The following PLEKHA8 variants were observed in gnomAD, a reference collection of about 807,000 sequenced individuals.
PLEKHA8 encodes the protein pleckstrin homology domain-containing family A member 8.
PLEKHA8 carries 36 observed loss-of-function variants against 68.2 expected under a neutral mutation model. That is an observed-to-expected ratio of 0.53 (90% CI 0.40 to 0.70). The LOEUF (loss-of-function observed/expected upper bound fraction) is 0.70. Among genes scored for constraint, PLEKHA8 ranks in the 30% least tolerant of loss-of-function variants. PLEKHA8 has a pLI of 0.00. For missense variants in PLEKHA8, 505 were observed against 615.4 expected (o/e 0.82, Z 1.90); for synonymous variants, 211 against 216.1 (o/e 0.98, Z 0.20).
Position 30,054,742 on chromosome 7 carries a change from A to G in PLEKHA8, c.830A>G (p.Glu277Gly). Residue 277 changes from glutamate to glycine, a missense_variant, in exon 8 of 14, where the codon GAA (glutamate) becomes GGA (glycine). Physicochemically the swap from Glu to Gly is moderately conservative, Grantham distance 98 (BLOSUM62 -2). Transcript: ENST00000449726. ...QGEIRKEDGM[E>G]NLKNHDNNLT... ...GAAATAAGGAAGGAAGATGGAATGGAAAACCTGAAAAATCATGACAATAAC... is the reference window on the plus strand; with the variant it reads ...GAAATAAGGAAGGAAGATGGAATGGGAAACCTGAAAAATCATGACAATAAC... The G allele has an allele frequency of 6.2e-7, 1 of 1,601,792 alleles. No individual in the cohort carries two copies. The highest frequency in any genetic ancestry group is 8.5e-7 in the Non-Finnish European group (1 of 1,172,696).
chr7:30,095,924 G>C (rs1795599708), intron 13 of PLEKHA8, among the ~76,000 whole-genome samples: 1 of 152,166 alleles, frequency 6.6e-6, no homozygotes, highest in African/African-American at 2.4e-5. Context: ...TTTGGTTACT[G>C]TAGCCTTGTA....
intron 13 of PLEKHA8, among the ~76,000 whole-genome samples, chr7:30,117,646 GTGAGCCA>G (rs1306572008): frequency 6.6e-6 from 1 of 152,110 alleles, no homozygotes; most frequent in Non-Finnish European, 1.5e-5. Context: ...CAAGGCTGCA[GTGAGCCA>G]TGATCATGCC....
chr7:30,075,036 G>C (rs1794527117), intron 13 of PLEKHA8: 1 of 152,156 alleles, frequency 6.6e-6, no homozygotes. Context: ...TGTATGTCAG[G>C]AAACCTCATA....
At chr7:30,042,481 C>T (rs1426561232) in intron 1 of PLEKHA8, among the ~76,000 whole-genome samples, 2 of 152,156 alleles carry the variant, frequency 1.3e-5, no homozygotes, top group African/African-American at 2.4e-5. Context: ...TTCACACCAA[C>T]CAGCATCATG....
chr7:30,055,738 TC>T (rs1160265898), intron 9 of PLEKHA8, among the ~76,000 whole-genome samples: 1 of 152,120 alleles, frequency 6.6e-6, no homozygotes. Flanking sequence ...TGATCTCTGT[TC>T]ACTGCAAACT....
chr7:30,093,432 C>G (rs886637558), downstream of PLEKHA8, among the ~76,000 whole-genome samples: 8 of 152,196 alleles, frequency 5.3e-5, no homozygotes, highest in African/African-American at 1.7e-4. Context: ...TGAGCCCAGA[C>G]AGCCTGCCTC....
At chr7:30,094,538 G>C (rs1433889136), downstream of PLEKHA8, among the ~76,000 whole-genome samples, 2 of 151,470 alleles carry the variant, frequency 1.3e-5, no homozygotes, top group Non-Finnish European at 2.9e-5. Context: ...TATACTTCAA[G>C]TTTTAGGAAA....
chr7:30,042,293 A>G (rs751907459), intron 1 of PLEKHA8, among the ~76,000 whole-genome samples: 1 of 152,194 alleles, frequency 6.6e-6, no homozygotes, highest in Non-Finnish European at 1.5e-5. Context: ...CATTACATGC[A>G]CACATACCCA....
chr7:30,064,024 C>G (rs966610405), intron 12 of PLEKHA8, among the ~76,000 whole-genome samples: 2 of 152,216 alleles, frequency 1.3e-5, no homozygotes, highest in Admixed American at 1.3e-4. Context: ...TACTCATGCC[C>G]CCTAGCCAGT....
intron 12 of PLEKHA8, chr7:30,069,909 G>T (rs953032398): frequency 6.6e-6 from 1 of 152,020 alleles, no homozygotes; most frequent in African/African-American, 2.4e-5. Flanking sequence ...CTGGGAGAAG[G>T]GTATCATTTA....
downstream of PLEKHA8, chr7:30,090,770 TTTC>T: frequency 1.9e-6 from 1 of 530,548 alleles, no homozygotes; most frequent in Non-Finnish European, 2.4e-6. Context: ...TTCACTTTAG[TTTC>T]TTGTCTTAAA....
Position 30,046,193 on chromosome 7 carries a change from C to G in PLEKHA8, c.158-17C>G. The G allele has an allele frequency of 1.9e-6, 3 of 1,568,502 alleles. No homozygotes were observed. Among genetic ancestry groups the G allele is most frequent in the South Asian group, 1.2e-5 (1 of 82,430 alleles). ...GGGCTCTTCTGAGTCTCTGATCTCC[C>G]TCTGTCTTGCTCCCAGTTCATTCTG... is the stretch of plus-strand genomic sequence containing the variant. On this transcript the variant is annotated splice_polypyrimidine_tract_variant and intron_variant, in intron 2 of 13. Coordinates refer to ENST00000449726, the MANE Select transcript of PLEKHA8 (RefSeq NM_001197026.2).
In PLEKHA8 at chr7:30,098,481, G is replaced by A. The variant is rs537852354; in HGVS notation, c.1362+24349G>A. Among the ~76,000 whole-genome samples, 571 of 152,340 alleles carry A rather than the reference G, an allele frequency of 3.7e-3. 4 individuals carry two copies. Among genetic ancestry groups the A allele is most frequent in the African/African-American group, 0.013 (557 of 41,576 alleles). Reference sequence around the variant, plus strand: ...AGCTGTGGTGGGCTCCACCCAGTTCGAGCTTCCCGGCTGCTTTGTTTACCT... The same window carrying A: ...AGCTGTGGTGGGCTCCACCCAGTTCAAGCTTCCCGGCTGCTTTGTTTACCT... On this transcript the variant is annotated intron_variant, in intron 13 of 13. Coordinates refer to the PLEKHA8 transcript ENST00000396257.
At chr7:30,075,604 C>T (rs1794563249) in intron 13 of PLEKHA8, among the ~76,000 whole-genome samples, 1 of 152,138 alleles carries the variant, frequency 6.6e-6, no homozygotes, top group African/African-American at 2.4e-5. Context: ...ACTGAGAGGC[C>T]TCTACTGAGT....
At chr7:30,099,693 G>C (rs781504772) in intron 13 of PLEKHA8, among the ~76,000 whole-genome samples, 4 of 152,190 alleles carry the variant, frequency 2.6e-5, no homozygotes, top group Admixed American at 2.6e-4. Flanking sequence ...ATGCTGGACC[G>C]TAAAACAAAT....
chr7:30,116,266 A>G (rs1027357011), intron 13 of PLEKHA8, among the ~76,000 whole-genome samples: 20 of 151,570 alleles, frequency 1.3e-4, no homozygotes, highest in Admixed American at 9.2e-4. Flanking sequence ...ATACATGCAT[A>G]CATGTATGTA....
intron 13 of PLEKHA8, among the ~76,000 whole-genome samples, chr7:30,109,140 A>G (rs112803858): frequency 3.3e-5 from 5 of 152,146 alleles, no homozygotes; most frequent in South Asian, 4.1e-4. Context: ...CTCTCTCTCT[A>G]TAAAGTGCAC....
At chr7:30,123,857 C>A (rs1464345990) in intron 13 of PLEKHA8, among the ~76,000 whole-genome samples, 3 of 152,198 alleles carry the variant, frequency 2.0e-5, no homozygotes, top group Non-Finnish European at 4.4e-5. Context: ...TGACCCAGTG[C>A]ATTTCCTTTT....
At chr7:30,107,205 G>A (rs1320136177) in intron 13 of PLEKHA8, among the ~76,000 whole-genome samples, 1 of 151,938 alleles carries the variant, frequency 6.6e-6, no homozygotes, top group Non-Finnish European at 1.5e-5. Context: ...CTTCAATAAA[G>A]TTTTACAATT....
Sources: gnomAD v4.1 joint callset for allele counts (sites outside exome capture counted in the v4.1 genomes callset) on GRCh38, gnomAD v4.1.1 for gene constraint, MANE v1.5 for transcripts, NCBI Gene and HGNC (gene_info 2026-07-23, HGNC 2026-07-21) for gene names.